SLFN12L: variants seen among roughly 807,000 people sequenced by gnomAD.
SLFN12L encodes schlafen family member 12-like.
SLFN12L carries 34 observed loss-of-function variants against 34.8 expected under a neutral mutation model. The ratio of observed to expected loss-of-function variants is 0.98; its 90% CI spans 0.74 to 1.30. SLFN12L has a LOEUF of 1.30. SLFN12L is among the 50% of genes most tolerant of loss of function. SLFN12L has a pLI of 0.00. For missense variants in SLFN12L, 703 were observed against 696.2 expected (o/e 1.01, Z -0.11); for synonymous variants, 259 against 247.5 (o/e 1.05, Z -0.44).
chr17:35,522,901 A>C lies in SLFN12L; in HGVS notation c.-537T>G. On this transcript the variant is annotated 5_prime_UTR_variant, in exon 2 of 5. Coordinates refer to ENST00000628453, the MANE Select transcript of SLFN12L (RefSeq NM_001363830.2). ...GTTTGCTTATTTATTAACTCCTCTA[A>C]TCCTTCATTCTGTGAGGACAGCTCC... 2 of 693,956 alleles carry C rather than the reference A, an allele frequency of 2.9e-6. No individual in the cohort carries two copies. The highest frequency in any genetic ancestry group is 5.0e-6 in the Non-Finnish European group (2 of 396,846). 43.0% of individuals were successfully genotyped at this position (693,956 alleles called of 1,614,324 possible).
At chr17:35,476,102 A>G (rs1913992195) in intron 4 of SLFN12L, among the ~76,000 whole-genome samples, 1 of 152,084 alleles carries the variant, frequency 6.6e-6, no homozygotes. Context: ...ATATCACAGC[A>G]TGGGTAAATA....
chr17:35,476,450 AAAGCAAGGAAGGAAGGAAGG>A (rs1771485006), intron 4 of SLFN12L, among the ~76,000 whole-genome samples: 1 of 126,616 alleles, frequency 7.9e-6, no homozygotes, highest in African/African-American at 3.0e-5. Context: ...GAAAGAAAAG[AAAGCAAGGAAGGAAGGAAGG>A]AAGGAAGGAA....
rs1481869143 is a variant in SLFN12L at position 35,522,796 on chromosome 17, T to C, written c.-432A>G. 1.1e-5 allele frequency: 17 copies of C among 1,545,304 alleles called. No homozygotes were observed. Among genetic ancestry groups the C allele is most frequent in the Admixed American group, 1.7e-5 (1 of 58,006 alleles). Reference sequence around the variant, plus strand: ...TATGCTATCAGCAGAGCATCACAGATGACTCCTGGCTTCTCCTGCAAATTC... The same window carrying C: ...TATGCTATCAGCAGAGCATCACAGACGACTCCTGGCTTCTCCTGCAAATTC... On this transcript the variant is annotated 5_prime_UTR_variant, in exon 2 of 5. Coordinates refer to ENST00000628453, the MANE Select transcript of SLFN12L (RefSeq NM_001363830.2).
At chr17:35,490,032 C>G (rs1253351446) in intron 2 of SLFN12L, 29 of 1,601,358 alleles carry the variant, frequency 1.8e-5, no homozygotes, top group Non-Finnish European at 2.5e-5. Context: ...ACGAACACTT[C>G]CACCACCTCC....
intron 1 of SLFN12L, among the ~76,000 whole-genome samples, chr17:35,534,240 C>A (rs1189766104): frequency 6.6e-6 from 1 of 151,020 alleles, no homozygotes; most frequent in East Asian, 1.9e-4. Flanking sequence ...CACATGCCTG[C>A]AGTCCCAGCT....
At chr17:35,498,579 C>G in intron 2 of SLFN12L, 1 of 1,563,270 alleles carries the variant, frequency 6.4e-7, no homozygotes, top group South Asian at 1.1e-5. Context: ...TTTTTACAGC[C>G]GCTTCCATGG....
chr17:35,534,864 T>A lies in SLFN12L; in HGVS notation c.-606+2709A>T, dbSNP rs116167412. On this transcript the variant is annotated intron_variant, in intron 1 of 4. Transcript: ENST00000628453. ...AAGCAGCCAAAAGCAGAAATCTCTA[T>A]CAAGGCCTGGGATCAAGAGTTCTGA... 4.2e-3 allele frequency among the ~76,000 whole-genome samples: 647 copies of A among 152,236 alleles called. 5 individuals carry two copies. The highest frequency in any genetic ancestry group is 0.015 in the African/African-American group (623 of 41,516).
At chr17:35,520,745 C>CAA (rs944409106) in intron 2 of SLFN12L, among the ~76,000 whole-genome samples, 1 of 141,034 alleles carries the variant, frequency 7.1e-6, no homozygotes. Context: ...AACTCGGTCT[C>CAA]AAAAAAAAAA....
intron 2 of SLFN12L, among the ~76,000 whole-genome samples, chr17:35,521,786 AT>A (rs1418924549): frequency 6.6e-6 from 1 of 152,204 alleles, no homozygotes; most frequent in Non-Finnish European, 1.5e-5. Flanking sequence ...AGGTGAGAGG[AT>A]TGCTTGAGCT....
chr17:35,497,657 T>C (rs1057424442), intron 2 of SLFN12L, among the ~76,000 whole-genome samples: 1 of 152,156 alleles, frequency 6.6e-6, no homozygotes, highest in African/African-American at 2.4e-5. Flanking sequence ...ATTTTAGAAG[T>C]TCCAAAGCAA....
chr17:35,495,438 C>T lies in SLFN12L; in HGVS notation c.87-15243G>A, dbSNP rs192703919. ...GTATGTCGATTATAGCTCAGTATAG[C>T]TATTTTTACAGTAACATATAAAGCA... On this transcript the variant is annotated intron_variant, in intron 2 of 4. Transcript: ENST00000628453. Among the ~76,000 whole-genome samples the T allele has an allele frequency of 1.5e-3, 227 of 152,302 alleles. 1 individual carries two copies. The highest frequency in any genetic ancestry group is 5.4e-3 in the African/African-American group (224 of 41,554).
rs71152720 is a variant in SLFN12L at position 35,474,769 on chromosome 17, CA to C, written c.*153del. The stretch of plus-strand genomic sequence containing the variant: ...TGAAACCCCATCTCTGCTAAAAATA[CA>C]AAAAAAAAAAAATTAGCCAGGTGTG... On this transcript the variant is annotated 3_prime_UTR_variant, in exon 5 of 5. Transcript: ENST00000628453. 0.2 allele frequency: 119,093 copies of C among 586,694 alleles called. 4,691 individuals carry two copies. The highest frequency in any genetic ancestry group is 0.33 in the African/African-American group (16,455 of 49,310). 36.3% of individuals were successfully genotyped at this position (586,694 alleles called of 1,614,324 possible).
chr17:35,504,355 C>T (rs896488380), intron 2 of SLFN12L, among the ~76,000 whole-genome samples: 2 of 152,144 alleles, frequency 1.3e-5, no homozygotes, highest in African/African-American at 4.8e-5. Context: ...CTGCCCCAAC[C>T]GGTTTTTGTA....
rs1197734123 is a variant in SLFN12L at position 35,494,070 on chromosome 17, C to G, written c.87-13875G>C. On this transcript the variant is annotated intron_variant, in intron 2 of 4. Coordinates refer to ENST00000628453, the MANE Select transcript of SLFN12L (RefSeq NM_001363830.2). ...AAGGAAGATGACTTGCAGAGTAAGTCGGGTAGCAGTTGTCAGAGTGTGGGA... is the reference window on the plus strand; with the variant it reads ...AAGGAAGATGACTTGCAGAGTAAGTGGGGTAGCAGTTGTCAGAGTGTGGGA... Among the ~76,000 whole-genome samples the G allele has an allele frequency of 3.9e-5, 6 of 152,136 alleles. No homozygotes were observed. The East Asian group carries it at 1.2e-3, about 29-fold the overall frequency.
intron 2 of SLFN12L, chr17:35,487,750 T>G (rs1914650634): frequency 6.5e-7 from 1 of 1,535,980 alleles, no homozygotes; most frequent in African/African-American, 1.4e-5. Context: ...GTCTGCGCAC[T>G]CTTCACCAAG....
chr17:35,503,532 G>A (rs1301201598), intron 2 of SLFN12L, among the ~76,000 whole-genome samples: 1 of 152,056 alleles, frequency 6.6e-6, no homozygotes, highest in Admixed American at 6.6e-5. Flanking sequence ...AAGAAGAATT[G>A]TCAAATATAA....
intron 2 of SLFN12L, chr17:35,490,976 G>A (rs557721848): frequency 1.1e-5 from 9 of 785,210 alleles, no homozygotes; most frequent in East Asian, 4.9e-5. Context: ...AGGACATAGC[G>A]ATTGCTCAAT....
chr17:35,493,570 C>T (rs1412244925), intron 2 of SLFN12L, among the ~76,000 whole-genome samples: 5 of 152,146 alleles, frequency 3.3e-5, no homozygotes, highest in African/African-American at 9.7e-5. Flanking sequence ...AGATTTTTTC[C>T]AGTTACTGGG....
Position 35,474,960 on chromosome 17 carries a change from A to C in SLFN12L, c.1802T>G (p.Leu601Trp), listed in dbSNP as rs757701863. 9.7e-6 allele frequency: 15 copies of C among 1,551,452 alleles called. No homozygotes were observed. The Admixed American group carries it at 1.6e-4, about 16-fold the overall frequency. Residue 601 changes from leucine (L) to tryptophan (W), a missense_variant, in exon 5 of 5, where the codon TTG (leucine) becomes TGG (tryptophan). Leu to Trp is a moderately conservative substitution (Grantham distance 61). Transcript: ENST00000628453. ...FLFVCLFRFC[L>W]FVCWFVCFFL... The stretch of plus-strand genomic sequence containing the variant: ...AAAACAAACAAACCAACAAACAAAC[A>C]AACAAAAACGAAACAAACAAACAAA...
Sources: gnomAD v4.1 joint callset for allele counts (sites outside exome capture counted in the v4.1 genomes callset) on GRCh38, gnomAD v4.1.1 for gene constraint, MANE v1.5 for transcripts, NCBI Gene and HGNC (gene_info 2026-07-23, HGNC 2026-07-21) for gene names.